The following ARHGEF4 variants were observed in gnomAD, a reference collection of about 807,000 sequenced individuals.
ARHGEF4 encodes the protein APC-stimulated guanine nucleotide exchange factor 1.
In ARHGEF4, 119 loss-of-function variants were observed where a neutral mutation model predicts 162.0. That is an observed-to-expected ratio of 0.73 (90% CI 0.63 to 0.86). ARHGEF4 has a LOEUF of 0.86. ARHGEF4 is among the 40% of genes least tolerant of loss of function. The pLI, the probability that ARHGEF4 is intolerant of heterozygous loss-of-function variation, is 0.00. For synonymous variants in ARHGEF4, 1,014 were observed against 979.9 expected (o/e 1.03, Z -0.65); for missense variants, 2,488 against 2,456.0 (o/e 1.01, Z -0.28).
In ARHGEF4 at chr2:131,038,925, GGC is replaced by G; in HGVS notation, c.4199_4200del (p.Gly1400ValfsTer46). 6.2e-7 allele frequency: 1 copy of G among 1,613,736 alleles called. No homozygotes were observed. Among genetic ancestry groups the G allele is most frequent in the Admixed American group, 1.7e-5 (1 of 60,020 alleles). On this transcript the variant is annotated frameshift_variant, in exon 6 of 14. Coordinates refer to ENST00000409359, the MANE Select transcript of ARHGEF4 (RefSeq NM_001367493.1). LOFTEE classifies it high-confidence loss of function. ...DHVTMDDQELGFKAGDVIEVM... is the reference protein window; with the variant it reads ...DHVTMDDQELXFKAGDVIEVM... ...TGTCACCATGGACGACCAGGAGCTGGGCTTCAAAGCTGGGGACGTCATCGAAG... is the reference window on the plus strand; with the variant it reads ...TGTCACCATGGACGACCAGGAGCTGGTTCAAAGCTGGGGACGTCATCGAAG...
At chr2:130,851,928 A>C (rs1484081193) in intron 1 of ARHGEF4, among the ~76,000 whole-genome samples, 2 of 152,218 alleles carry the variant, frequency 1.3e-5, no homozygotes, top group Non-Finnish European at 2.9e-5. Flanking sequence ...ACTGTCCTGA[A>C]CTTCAGTTTC....
In ARHGEF4 at chr2:130,915,990, A is replaced by G. The variant is rs1574221975; in HGVS notation, c.2044A>G (p.Lys682Glu). Residue 682 changes from lysine (K) to glutamate (E), a missense_variant, in exon 2 of 14, where the codon AAA (lysine) becomes GAA (glutamate). Around this residue, in one of 6 missense-constraint regions of ARHGEF4, gnomAD observed 1,642 missense variants for 1,481.5 expected, o/e 1.11. Transcript: ENST00000409359. ...CCCCTGTGAGTCTCCCACTAGGGGG[A>G]AAACACCAGCCGGTAATGAGTGTGA... ...ETPCESPTRG[K>E]TPAGNECELP... The G allele has an allele frequency of 6.4e-7, 1 of 1,550,506 alleles. No homozygotes were observed. Among genetic ancestry groups the G allele is most frequent in the East Asian group, 2.4e-5 (1 of 40,904 alleles).
At chr2:131,024,496 T>G (rs568525363) in intron 4 of ARHGEF4, among the ~76,000 whole-genome samples, 95 of 152,272 alleles carry the variant, frequency 6.2e-4, no homozygotes, top group African/African-American at 2.1e-3. Flanking sequence ...AGGCTGGTCT[T>G]GATCTCCTGA....
rs555682658 is a variant in ARHGEF4 at position 130,948,713 on chromosome 2, C to T, written c.3985+2078C>T. Among the ~76,000 whole-genome samples the T allele has an allele frequency of 2.1e-4, 32 of 152,356 alleles. No individual in the cohort carries two copies. In the South Asian group the frequency reaches 4.1e-3, roughly 20 times the overall value. ...AGGTCAGGGCTCTAGCCACACTTCA[C>T]CCTAGGGTGAGAAATTGGGCACATC... is the stretch of plus-strand genomic sequence containing the variant. On this transcript the variant is annotated intron_variant, in intron 4 of 13. Transcript: ENST00000409359.
At position 130,916,286 on chromosome 2, in the gene ARHGEF4, G is replaced by T. The variant is rs999703423; in HGVS notation, c.2340G>T (p.Gly780=). The change falls in exon 2 of 14, where the codon GGG becomes GGT. Residue 780 remains glycine, a synonymous_variant. Coordinates refer to ENST00000409359, the MANE Select transcript of ARHGEF4 (RefSeq NM_001367493.1). ...TGGAGCCGCCCCAGCCGCCACGCGG[G>T]CTCCGCAAGGGCGCGCAGGAGCCTG... The part of the protein sequence containing the change: ...PALEPPQPPR[G]LRKGAQEPGK... 6.5e-7 allele frequency: 1 copy of T among 1,530,858 alleles called. No homozygotes were observed. The allele number at this position is 1,530,858 out of a possible 1,614,324, so 94.8% of individuals were successfully genotyped here. A position where few individuals can be genotyped will look rare whatever the true frequency, so the allele number is the denominator to read the frequency against.
At chr2:130,842,193 C>T (rs1680658586) in intron 1 of ARHGEF4, among the ~76,000 whole-genome samples, 2 of 152,184 alleles carry the variant, frequency 1.3e-5, no homozygotes, top group African/African-American at 4.8e-5. Context: ...GAGGGCATAA[C>T]AGCCTGAAGC....
chr2:130,978,632 GAATATTCACGA>G (rs1685910718), intron 4 of ARHGEF4, among the ~76,000 whole-genome samples: 1 of 151,918 alleles, frequency 6.6e-6, no homozygotes, highest in African/African-American at 2.4e-5. Flanking sequence ...CATGAATGAA[GAATATTCACGA>G]ATAGTTTACA....
intron 1 of ARHGEF4, among the ~76,000 whole-genome samples, chr2:130,901,738 C>G (rs551121776): frequency 6.6e-6 from 1 of 152,250 alleles, no homozygotes; most frequent in East Asian, 1.9e-4. Flanking sequence ...CCAGGCTGGT[C>G]ACGTACTCCT....
chr2:130,983,393 ATTTTG>A, intron 4 of ARHGEF4, among the ~76,000 whole-genome samples: 1 of 152,204 alleles, frequency 6.6e-6, no homozygotes, highest in Non-Finnish European at 1.5e-5. Flanking sequence ...CATGAAGATC[ATTTTG>A]TTTTGGCCAG....
At chr2:130,994,939 C>T (rs189546739) in intron 4 of ARHGEF4, among the ~76,000 whole-genome samples, 1 of 152,328 alleles carries the variant, frequency 6.6e-6, no homozygotes, top group East Asian at 1.9e-4. Flanking sequence ...CAGCCTGACT[C>T]CTCCTCGGAC....
At chr2:131,011,751 C>A in intron 4 of ARHGEF4, 1 of 1,066,744 alleles carries the variant, frequency 9.4e-7, no homozygotes, top group Non-Finnish European at 1.4e-6. Flanking sequence ...TTGACTGTCA[C>A]TCTGAAGCAG....
chr2:130,857,101 G>A lies in ARHGEF4; in HGVS notation c.39+20109G>A, dbSNP rs560729677. Among the ~76,000 whole-genome samples the A allele has an allele frequency of 3.2e-3, 484 of 152,188 alleles. 3 individuals carry two copies. The highest frequency in any genetic ancestry group is 0.011 in the South Asian group (52 of 4,800). ...CAAAAAATTAGCTGGGCGTGGTGGC[G>A]GGTGCCTGTAGTCCCAGCTACTTGG... On this transcript the variant is annotated intron_variant, in intron 1 of 13. Transcript: ENST00000409359.
At chr2:130,867,685 C>T (rs572936558) in intron 1 of ARHGEF4, among the ~76,000 whole-genome samples, 1 of 152,188 alleles carries the variant, frequency 6.6e-6, no homozygotes. Context: ...TTTTCCTCCT[C>T]TTTCAGCCTG....
intron 4 of ARHGEF4, among the ~76,000 whole-genome samples, chr2:131,002,682 C>T (rs1687855605): frequency 2.2e-5 from 3 of 134,092 alleles, no homozygotes; most frequent in Admixed American, 8.6e-5. Context: ...TGCACTCCAG[C>T]CTGGGCGACA....
At chr2:130,958,397 CT>C (rs200633303) in intron 4 of ARHGEF4, among the ~76,000 whole-genome samples, 125 of 145,056 alleles carry the variant, frequency 8.6e-4, no homozygotes, top group Non-Finnish European at 7.5e-4. Flanking sequence ...GAGATGGAGT[CT>C]TTTTTTTTTT....
intron 1 of ARHGEF4, among the ~76,000 whole-genome samples, chr2:130,908,784 A>G (rs1680997640): frequency 6.6e-6 from 1 of 152,220 alleles, no homozygotes; most frequent in African/African-American, 2.4e-5. Context: ...TGGAAAACAT[A>G]TATCTGACAA....
At position 130,914,649 on chromosome 2, in the gene ARHGEF4, T is replaced by C; in HGVS notation, c.703T>C (p.Cys235Arg). 1 of 1,389,548 alleles carries C rather than the reference T, an allele frequency of 7.2e-7. No individual in the cohort carries two copies. Among genetic ancestry groups the C allele is most frequent in the South Asian group, 1.9e-5 (1 of 53,702 alleles). 86.1% of individuals were successfully genotyped at this position (1,389,548 alleles called of 1,614,324 possible). A position where few individuals can be genotyped will look rare whatever the true frequency, so the allele number is the denominator to read the frequency against. The change falls in exon 2 of 14, where the codon TGT (cysteine) becomes CGT (arginine). Residue 235 changes from cysteine to arginine, a missense_variant. Cys to Arg is a radical substitution (Grantham distance 180). Around this residue, in one of 6 missense-constraint regions of ARHGEF4, gnomAD observed 1,642 missense variants for 1,481.5 expected, o/e 1.11. Transcript: ENST00000409359. ...PVVWPFLLWC[C>R]ELGRSWPHIH... ...GGTCTGGCCCTTCCTTCTCTGGTGC[T>C]GTGAACTGGGTCGGAGTTGGCCACA...
chr2:130,907,817 G>C (rs376008886), intron 1 of ARHGEF4, among the ~76,000 whole-genome samples: 1 of 151,804 alleles, frequency 6.6e-6, no homozygotes, highest in East Asian at 2.0e-4. Flanking sequence ...TTAGCCAGGC[G>C]TGGTGGCATG....
chr2:130,955,306 T>C (rs1684200439), intron 4 of ARHGEF4, among the ~76,000 whole-genome samples: 1 of 152,196 alleles, frequency 6.6e-6, no homozygotes, highest in Non-Finnish European at 1.5e-5. Context: ...CCAGCTTTTT[T>C]CCCCATTGTA....
Sources: allele counts gnomAD v4.1 joint callset (sites outside exome capture counted in the v4.1 genomes callset), GRCh38; gene constraint gnomAD v4.1.1; regional missense constraint gnomAD v4.1.1; transcripts MANE v1.5; gene names NCBI Gene and HGNC (gene_info 2026-07-23, HGNC 2026-07-21).